Variants in TOMM34 observed in about 807,000 individuals in gnomAD.
TOMM34 encodes translocase of outer mitochondrial membrane 34.
In TOMM34, 24 loss-of-function variants were observed where a neutral mutation model predicts 37.4. The observed-to-expected ratio is 0.64, with a 90% CI of 0.46 to 0.90. The LOEUF (loss-of-function observed/expected upper bound fraction) is 0.90. Ranked by LOEUF, TOMM34 falls within the 40% of genes least tolerant of loss-of-function variation. The pLI is 0.00. For missense variants in TOMM34, 304 were observed against 375.6 expected (o/e 0.81, Z 1.58); for synonymous variants, 154 against 148.9 (o/e 1.03, Z -0.25).
At chr20:44,953,410 A>C (rs1048659364) in intron 3 of TOMM34, among the ~76,000 whole-genome samples, 2 of 152,150 alleles carry the variant, frequency 1.3e-5, no homozygotes, top group Non-Finnish European at 2.9e-5. Context: ...TTGGGACATC[A>C]ATGCCCTGTT....
Position 44,943,578 on chromosome 20 carries a change from C to T in TOMM34, c.700G>A (p.Ala234Thr), listed in dbSNP as rs1250787994. The change falls in exon 6 of 7, where the codon GCA becomes ACA. Residue 234 changes from alanine (A) to threonine (T), a missense_variant and splice_region_variant. Physicochemically the swap from Ala to Thr is moderately conservative, Grantham distance 58. Coordinates refer to ENST00000372813, the MANE Select transcript of TOMM34 (RefSeq NM_006809.5). ...TGCTTCAGGACCAAATAGCAGAGTGCTCTGAAGGGAAAGACCATTTCAGAG... is the reference window on the plus strand; with the variant it reads ...TGCTTCAGGACCAAATAGCAGAGTGTTCTGAAGGGAAAGACCATTTCAGAG... ...NLESATYSNRALCYLVLKQYT... is the reference protein window; with the variant it reads ...NLESATYSNRTLCYLVLKQYT... 2 of 1,614,152 alleles carry T rather than the reference C, an allele frequency of 1.2e-6. No homozygotes were observed. The highest frequency in any genetic ancestry group is 1.7e-6 in the Non-Finnish European group (2 of 1,180,032).
intron 1 of TOMM34, chr20:44,958,448 C>T (rs1216787341): frequency 4.3e-6 from 2 of 468,554 alleles, no homozygotes; most frequent in South Asian, 1.6e-5. Context: ...TGCTCAGAAA[C>T]AGCAGTGGTG....
At chr20:44,956,513 C>A in intron 1 of TOMM34, 28 bp from the exon 2 acceptor site, 1 of 1,612,450 alleles carries the variant, frequency 6.2e-7, no homozygotes, top group South Asian at 1.1e-5. Flanking sequence ...GGAAGATGAT[C>A]AGTTTGGAAA....
intron 4 of TOMM34, among the ~76,000 whole-genome samples, chr20:44,949,629 A>G (rs187107887): frequency 2.6e-5 from 4 of 152,304 alleles, no homozygotes; most frequent in Non-Finnish European, 2.9e-5. Flanking sequence ...TTTTAAAACT[A>G]TCTTTATAAA....
At position 44,942,943 on chromosome 20, in the gene TOMM34, T is replaced by G. The variant is rs112806261; in HGVS notation, c.*166A>C. ...TGTGTTTGACTACACTGAGTTTAAT[T>G]TGAACAAGCAAAGCCTCTTACAGGG... On this transcript the variant is annotated 3_prime_UTR_variant, in exon 7 of 7. Transcript: ENST00000372813. 1.6e-6 allele frequency: 1 copy of G among 642,260 alleles called. No individual in the cohort carries two copies. Among genetic ancestry groups the G allele is most frequent in the African/African-American group, 1.8e-5 (1 of 54,472 alleles). The allele number at this position is 642,260 out of a possible 1,614,324, so 39.8% of individuals were successfully genotyped here.
chr20:44,957,503 T>G (rs1390366589), intron 1 of TOMM34, among the ~76,000 whole-genome samples: 1 of 152,134 alleles, frequency 6.6e-6, no homozygotes, highest in African/African-American at 2.4e-5. Context: ...AAAGATAATT[T>G]TCAACCACTT....
intron 3 of TOMM34, 80 bp from the exon 4 acceptor site, chr20:44,952,082 T>C (rs2067031762): frequency 1.1e-5 from 17 of 1,497,148 alleles, no homozygotes; most frequent in South Asian, 6.8e-5. Context: ...CCATGGGAGG[T>C]AGGCCTTTTC....
intron 5 of TOMM34, among the ~76,000 whole-genome samples, chr20:44,945,524 G>A (rs1601137024): frequency 1.3e-5 from 2 of 152,310 alleles, no homozygotes; most frequent in South Asian, 4.1e-4. Context: ...TGACAGGGAA[G>A]AAGCCAACTA....
At chr20:44,949,941 A>T (rs886749970) in intron 4 of TOMM34, among the ~76,000 whole-genome samples, 29 of 152,236 alleles carry the variant, frequency 1.9e-4, no homozygotes, top group African/African-American at 7.0e-4. Context: ...CCTTAATGTT[A>T]TATTTCTGAG....
At chr20:44,946,690 T>C (rs2066983368) in intron 5 of TOMM34, among the ~76,000 whole-genome samples, 1 of 152,236 alleles carries the variant, frequency 6.6e-6, no homozygotes, top group Non-Finnish European at 1.5e-5. Context: ...AGCCAAAGCC[T>C]GGGCATTGTG....
chr20:44,944,040 C>T (rs1039052463), intron 5 of TOMM34, among the ~76,000 whole-genome samples: 4 of 152,076 alleles, frequency 2.6e-5, no homozygotes, highest in African/African-American at 7.2e-5. Flanking sequence ...AATGTAAAGA[C>T]GTTTGCAATT....
At position 44,955,357 on chromosome 20, in the gene TOMM34, G is replaced by T. The variant is rs564918247; in HGVS notation, c.228-137C>A. ...CTGGCCGAGAGACATGGCTAAAAAC[G>T]CCAAACCTCAGAACAGGGATTTTTC... On this transcript the variant is annotated intron_variant, in intron 2 of 6. Transcript: ENST00000372813. The T allele has an allele frequency of 1.6e-4, 171 of 1,072,418 alleles. No individual in the cohort carries two copies. The African/African-American group carries it at 2.5e-3, about 16-fold the overall frequency. 66.4% of individuals were successfully genotyped at this position (1,072,418 alleles called of 1,614,324 possible).
At chr20:44,960,112 C>T in intron 1 of TOMM34, 95 bp downstream of exon 1, 1 of 1,430,350 alleles carries the variant, frequency 7.0e-7, no homozygotes, top group Non-Finnish European at 9.2e-7. Flanking sequence ...GGTGGGAGGG[C>T]CGGGCAGGAC....
chr20:44,952,837 C>T (rs1015108251), intron 3 of TOMM34: 4 of 613,078 alleles, frequency 6.5e-6, no homozygotes, highest in Non-Finnish European at 1.2e-5. Flanking sequence ...GACTGTATCA[C>T]TACAAATTCC....
intron 5 of TOMM34, among the ~76,000 whole-genome samples, chr20:44,948,402 C>T (rs1004409876): frequency 1.3e-5 from 2 of 152,152 alleles, no homozygotes; most frequent in African/African-American, 2.4e-5. Flanking sequence ...TAGGGAGCAG[C>T]GTAGCGTGGT....
chr20:44,958,761 C>T (rs2067099189), intron 1 of TOMM34: 1 of 154,694 alleles, frequency 6.5e-6, no homozygotes, highest in Non-Finnish European at 1.4e-5. Flanking sequence ...ACAAGCTTTT[C>T]CAGACCAGCT....
intron 6 of TOMM34, 38 bp from the exon 7 acceptor site, chr20:44,943,251 C>A (rs983475774): frequency 1.9e-6 from 3 of 1,611,290 alleles, no homozygotes; most frequent in Non-Finnish European, 1.7e-6. Context: ...GGGAAGGTTC[C>A]CGGACTGGGG....
intron 1 of TOMM34, among the ~76,000 whole-genome samples, chr20:44,957,550 T>C (rs577205572): frequency 6.6e-6 from 1 of 152,312 alleles, no homozygotes; most frequent in East Asian, 1.9e-4. Flanking sequence ...TTAAAAAGAA[T>C]TGAAAACAGG....
chr20:44,942,730 T>C lies in TOMM34; in HGVS notation c.*379A>G. ...CTCAGGTTGTTCAGATGAACTGCAG[T>C]GAGTTGGGGTCTGGGGAAGCTACAA... is the stretch of plus-strand genomic sequence containing the variant. On this transcript the variant is annotated 3_prime_UTR_variant, in exon 7 of 7. Transcript: ENST00000372813. 8.4e-6 allele frequency: 2 copies of C among 237,608 alleles called. No individual in the cohort carries two copies. Among genetic ancestry groups the C allele is most frequent in the South Asian group, 1.5e-4 (2 of 13,676 alleles). The allele number at this position is 237,608 out of a possible 1,614,324, so 14.7% of individuals were successfully genotyped here.
Sources: gnomAD v4.1 joint callset for allele counts (sites outside exome capture counted in the v4.1 genomes callset) on GRCh38, gnomAD v4.1.1 for gene constraint, MANE v1.5 for transcripts, NCBI Gene and HGNC (gene_info 2026-07-23, HGNC 2026-07-21) for gene names.